CRYL1: variants seen among roughly 807,000 people sequenced by gnomAD.
CRYL1 encodes lambda-crystallin homolog.
In CRYL1, 29 loss-of-function variants were observed where a neutral mutation model predicts 36.6. The ratio of observed to expected loss-of-function variants is 0.79; its 90% CI spans 0.59 to 1.08. The LOEUF (loss-of-function observed/expected upper bound fraction) is 1.08. CRYL1 is among the 50% of genes least tolerant of loss of function. The probability of loss-of-function intolerance (pLI) is 0.00; values close to 1 mark genes in which losing one functional copy is unlikely to be tolerated. For synonymous variants in CRYL1, 152 were observed against 151.5 expected (o/e 1.00, Z -0.02); for missense variants, 411 against 407.9 (o/e 1.01, Z -0.06).
rs147709229 is a variant in CRYL1, at chr13:20,407,775, T to C, written c.740-3034A>G. Among the ~76,000 whole-genome samples the C allele has an allele frequency of 3.9e-5, 6 of 152,194 alleles. No homozygotes were observed. In the East Asian group the frequency reaches 1.2e-3, roughly 29 times the overall value. ...GAGTAGAAAAAAGAATTGATTCTCA[T>C]GAGATTGGATGTAGCTTAACTTGCT... On this transcript the variant is annotated intron_variant, in intron 6 of 7. Transcript: ENST00000298248.
intron 4 of CRYL1, 38 bp downstream of exon 4, chr13:20,439,555 A>G (rs889906265): frequency 1.5e-6 from 2 of 1,365,420 alleles, no homozygotes; most frequent in Non-Finnish European, 2.0e-6. Context: ...ACAGAATGAG[A>G]TGAGATACAA....
At chr13:20,513,361 C>T (rs2137511600) in intron 1 of CRYL1, 1 of 152,416 alleles carries the variant, frequency 6.6e-6, no homozygotes, top group South Asian at 2.1e-4. Flanking sequence ...TCTGCCCTGT[C>T]CTCCCCAATA....
intron 5 of CRYL1, among the ~76,000 whole-genome samples, chr13:20,430,074 T>C (rs773884429): frequency 3.1e-4 from 47 of 152,058 alleles, no homozygotes; most frequent in Non-Finnish European, 6.0e-4. Context: ...CTGGAAGTCA[T>C]CGCTGTGGGG....
rs1036621010 is a variant in CRYL1 at position 20,431,794 on chromosome 13, T to G, written c.633+308A>C. The G allele has an allele frequency of 4.7e-6, 6 of 1,282,794 alleles. No homozygotes were observed. The Admixed American group carries it at 1.0e-4, about 21-fold the overall frequency. 79.5% of individuals were successfully genotyped at this position (1,282,794 alleles called of 1,614,324 possible). ...AAGCTGCCTCTGTGGGAAAATGCAG[T>G]GGGCCACATAGGTTATTATGTCTAA... On this transcript the variant is annotated intron_variant, in intron 5 of 7. Coordinates refer to ENST00000298248, the MANE Select transcript of CRYL1 (RefSeq NM_015974.3).
chr13:20,499,547 G>GGAGGCT (rs1565984752), intron 2 of CRYL1, among the ~76,000 whole-genome samples: 1 of 151,906 alleles, frequency 6.6e-6, no homozygotes, highest in Non-Finnish European at 1.5e-5. Context: ...CAGCTACTAG[G>GGAGGCT]GAGGCTGAGG....
chr13:20,492,808 A>G (rs985224924), intron 2 of CRYL1, among the ~76,000 whole-genome samples: 5 of 152,158 alleles, frequency 3.3e-5, no homozygotes, highest in African/African-American at 1.2e-4. Context: ...TCTGAGGATG[A>G]TATGCAATTT....
chr13:20,431,162 G>A, intron 5 of CRYL1: 1 of 985,402 alleles, frequency 1.0e-6, no homozygotes, highest in Non-Finnish European at 1.2e-6. Flanking sequence ...AAGAACTGCT[G>A]GGAAATTGAA....
chr13:20,451,686 G>A (rs1200759787), intron 3 of CRYL1, among the ~76,000 whole-genome samples: 1 of 152,236 alleles, frequency 6.6e-6, no homozygotes, highest in African/African-American at 2.4e-5. Flanking sequence ...CTGTTGGTAG[G>A]AAAGTAAATC....
intron 3 of CRYL1, among the ~76,000 whole-genome samples, chr13:20,486,611 C>G (rs985313922): frequency 5.9e-5 from 9 of 152,200 alleles, no homozygotes; most frequent in Non-Finnish European, 1.3e-4. Flanking sequence ...AATATAAACT[C>G]TCATAGGAAT....
At chr13:20,409,825 A>G (rs976368484) in intron 6 of CRYL1, among the ~76,000 whole-genome samples, 8 of 152,074 alleles carry the variant, frequency 5.3e-5, no homozygotes, top group Non-Finnish European at 8.8e-5. Flanking sequence ...AATCAAAACC[A>G]CAATGAGATA....
chr13:20,516,561 G>GC (rs2034001755), intron 1 of CRYL1, among the ~76,000 whole-genome samples: 1 of 151,592 alleles, frequency 6.6e-6, no homozygotes, highest in African/African-American at 2.4e-5. Flanking sequence ...CTCACTGCAA[G>GC]CTCCGCCTCC....
intron 2 of CRYL1, among the ~76,000 whole-genome samples, chr13:20,504,363 G>C (rs561826297): frequency 1.4e-5 from 2 of 147,434 alleles, no homozygotes; most frequent in African/African-American, 2.5e-5. Flanking sequence ...GAGTGCAGTG[G>C]TGCAATCTTG....
chr13:20,486,176 TC>T, intron 3 of CRYL1, among the ~76,000 whole-genome samples: 1 of 152,236 alleles, frequency 6.6e-6, no homozygotes, highest in East Asian at 1.9e-4. Context: ...ACCCTCAGCC[TC>T]CCAAGAGTGC....
chr13:20,453,903 A>G (rs922887208), intron 3 of CRYL1, among the ~76,000 whole-genome samples: 1 of 152,212 alleles, frequency 6.6e-6, no homozygotes, highest in African/African-American at 2.4e-5. Flanking sequence ...CCTACAACTT[A>G]GAACAAATGG....
intron 6 of CRYL1, among the ~76,000 whole-genome samples, chr13:20,409,926 C>G (rs947121657): frequency 3.1e-4 from 47 of 152,202 alleles, no homozygotes; most frequent in Non-Finnish European, 3.8e-4. Context: ...CACTTTTACA[C>G]TGTTGGTGGG....
rs2031779673 is a variant in CRYL1, at chr13:20,420,700, G to GGTTTTTTTTTTTTTTT, written c.634-7314_634-7313insAAAAAAAAAAAAAAAC. Among the ~76,000 whole-genome samples the GGTTTTTTTTTTTTTTT allele has an allele frequency of 5.5e-5, 2 of 36,430 alleles. 1 individual carries two copies. The highest frequency in any genetic ancestry group is 1.4e-4 in the Non-Finnish European group (2 of 13,970). The allele number at this position is 36,430 out of a possible 152,430, so 23.9% of individuals were successfully genotyped here. A position where few individuals can be genotyped will look rare whatever the true frequency, so the allele number is the denominator to read the frequency against. ...CCTTTGACTTTTCTTTAAAATAGAGGTTGTGTGTGTGTGTGTGTGTGTGTG... is the reference window on the plus strand; with the variant it reads ...CCTTTGACTTTTCTTTAAAATAGAGGGTTTTTTTTTTTTTTTTTGTGTGTGTGTGTGTGTGTGTGTG... On this transcript the variant is annotated intron_variant, in intron 5 of 7. Coordinates refer to ENST00000298248, the MANE Select transcript of CRYL1 (RefSeq NM_015974.3).
At position 20,456,625 on chromosome 13, in the gene CRYL1, CACACACACACACA is replaced by C. The variant is rs1489215276; in HGVS notation, c.277-16884_277-16872del. Among the ~76,000 whole-genome samples the C allele has an allele frequency of 5.5e-3, 221 of 40,128 alleles. 3 individuals are homozygous for C. The highest frequency in any genetic ancestry group is 0.011 in the Middle Eastern group (1 of 90). The allele number at this position is 40,128 out of a possible 152,430, so 26.3% of individuals were successfully genotyped here. A position where few individuals can be genotyped will look rare whatever the true frequency, so the allele number is the denominator to read the frequency against. ...CTTAAAACACACACACACACACACA[CACACACACACACA>C]AAGACCACGATTCTTAAAACACACA... is the stretch of plus-strand genomic sequence containing the variant. On this transcript the variant is annotated intron_variant, in intron 3 of 7. Coordinates refer to ENST00000298248, the MANE Select transcript of CRYL1 (RefSeq NM_015974.3).
intron 4 of CRYL1, among the ~76,000 whole-genome samples, chr13:20,437,389 G>A (rs994872649): frequency 9.3e-5 from 14 of 150,818 alleles, no homozygotes; most frequent in Non-Finnish European, 1.5e-4. Flanking sequence ...CTCACTGCAA[G>A]CTCCACCTCC....
At chr13:20,471,216 T>C (rs2033052319) in intron 3 of CRYL1, among the ~76,000 whole-genome samples, 1 of 152,116 alleles carries the variant, frequency 6.6e-6, no homozygotes, top group African/African-American at 2.4e-5. Context: ...CATGGAACAC[T>C]TACATTAAGT....
Sources: allele counts gnomAD v4.1 joint callset (sites outside exome capture counted in the v4.1 genomes callset), GRCh38; gene constraint gnomAD v4.1.1; transcripts MANE v1.5; gene names NCBI Gene and HGNC (gene_info 2026-07-23, HGNC 2026-07-21).